The following SUFU variants were observed in gnomAD, a reference collection of about 807,000 sequenced individuals.
SUFU encodes SUFU negative regulator of hedgehog signaling, also known as suppressor of fused homolog.
A neutral mutation model predicts 58.9 loss-of-function variants in SUFU; 7 were observed. The observed-to-expected ratio is 0.12, with a 90% confidence interval of 0.07 to 0.22. SUFU has a LOEUF of 0.22. Ranked by LOEUF, SUFU falls within the 10% of genes least tolerant of loss-of-function variation. SUFU has a pLI of 1.00. For missense variants in SUFU, 451 were observed against 641.3 expected, an observed-to-expected ratio of 0.70 and a Z score of 3.20; for synonymous variants, 232 against 254.8, an observed-to-expected ratio of 0.91 and a Z score of 0.85.
intron 2 of SUFU, among the ~76,000 whole-genome samples, chr10:102,524,225 C>T (rs186183673): frequency 4.6e-5 from 7 of 152,026 alleles, no homozygotes; most frequent in Admixed American, 3.9e-4. Context: ...AGGCTGGTCT[C>T]GGACTCCTGG....
intron 2 of SUFU, among the ~76,000 whole-genome samples, chr10:102,533,500 A>T (rs560606668): frequency 6.6e-6 from 1 of 152,138 alleles, no homozygotes; most frequent in African/African-American, 2.4e-5. Context: ...CCTGAGCCCA[A>T]GAGGCTGAGG....
rs775249077 is a variant in SUFU, at chr10:102,629,870, G to A, written c.1366-196G>A. 3.9e-5 allele frequency among the ~76,000 whole-genome samples: 6 copies of A among 152,188 alleles called. No homozygotes were observed. In the East Asian group the frequency reaches 5.8e-4, roughly 15 times the overall value. On this transcript the variant is annotated intron_variant, in intron 11 of 11. Coordinates refer to ENST00000369902, the MANE Select transcript of SUFU (RefSeq NM_016169.4). This position sits in a 1 kb window ranked among gnomAD's most constrained non-coding sequence, Gnocchi z 4.7. ...CTGCCTCATTATTGACAGGCCGTGG[G>A]GAAAGAAGGGGTCACCAACTCCAGC...
chr10:102,507,734 C>T (rs767250335), intron 1 of SUFU, among the ~76,000 whole-genome samples: 6 of 152,348 alleles, frequency 3.9e-5, no homozygotes, highest in Admixed American at 1.3e-4. Context: ...TGACTGGGAT[C>T]ACTTGTAACA....
chr10:102,566,492 G>A (rs1564684016), intron 3 of SUFU, among the ~76,000 whole-genome samples: 3 of 152,040 alleles, frequency 2.0e-5, no homozygotes, highest in Non-Finnish European at 2.9e-5. Context: ...TAGGTCAGGC[G>A]CGGTAGCTCA....
At chr10:102,543,117 T>C (rs2062821247) in intron 2 of SUFU, among the ~76,000 whole-genome samples, 1 of 152,206 alleles carries the variant, frequency 6.6e-6, no homozygotes, top group Non-Finnish European at 1.5e-5. Flanking sequence ...CTATACGTAG[T>C]TTTATTAGGT....
chr10:102,515,821 T>C (rs976713726), intron 2 of SUFU, among the ~76,000 whole-genome samples: 13 of 152,166 alleles, frequency 8.5e-5, no homozygotes, highest in South Asian at 2.1e-4. Flanking sequence ...TGCAGGCTCA[T>C]TGGGGGGCAC....
chr10:102,631,204 A>C lies in SUFU; in HGVS notation c.*1049A>C, dbSNP rs1564713152. 2 of 233,236 alleles carry C rather than the reference A, an allele frequency of 8.6e-6. No individual in the cohort carries two copies. The highest frequency in any genetic ancestry group is 1.7e-5 in the Non-Finnish European group (2 of 118,172). 14.4% of individuals were successfully genotyped at this position (233,236 alleles called of 1,614,324 possible). A position where few individuals can be genotyped will look rare whatever the true frequency, so the allele number is the denominator to read the frequency against. Reference sequence around the variant, plus strand: ...TCAGGCTGTAGGGCTGCCTTACTAAAATTGAAAAATCCACCTCTTAACATC... The same window carrying C: ...TCAGGCTGTAGGGCTGCCTTACTAACATTGAAAAATCCACCTCTTAACATC... On this transcript the variant is annotated 3_prime_UTR_variant, in exon 12 of 12. Transcript: ENST00000369902.
At chr10:102,536,013 G>C (rs887607475) in intron 2 of SUFU, among the ~76,000 whole-genome samples, 1 of 151,958 alleles carries the variant, frequency 6.6e-6, no homozygotes, top group African/African-American at 2.4e-5. Context: ...GTCTCGCTTC[G>C]GTTAGAGTGC....
At chr10:102,586,284 A>G (rs2063335276) in intron 3 of SUFU, among the ~76,000 whole-genome samples, 1 of 152,196 alleles carries the variant, frequency 6.6e-6, no homozygotes, top group African/African-American at 2.4e-5. Context: ...AGAACTCTTT[A>G]TATATTCTGG....
chr10:102,517,943 G>T (rs1190975575), intron 2 of SUFU, among the ~76,000 whole-genome samples: 1 of 152,114 alleles, frequency 6.6e-6, no homozygotes, highest in Non-Finnish European at 1.5e-5. Context: ...CCGAGCGCCT[G>T]CCCTTAAAAA....
In SUFU at chr10:102,529,462, T is replaced by C. The variant is rs530975947; in HGVS notation, c.317+20159T>C. 5.3e-5 allele frequency among the ~76,000 whole-genome samples: 8 copies of C among 152,280 alleles called. No individual in the cohort carries two copies. In the South Asian group the frequency reaches 1.7e-3, roughly 32 times the overall value. On this transcript the variant is annotated intron_variant, in intron 2 of 11. Coordinates refer to ENST00000369902, the MANE Select transcript of SUFU (RefSeq NM_016169.4). ...GGATAAATGATGAGCAGAGTTTGCT[T>C]TGAGTGAGTACTAAGAAAAGGAAAG... is the stretch of plus-strand genomic sequence containing the variant.
At position 102,631,606 on chromosome 10, in the gene SUFU, C is replaced by T. The variant is rs886046659; in HGVS notation, c.*1451C>T. On this transcript the variant is annotated 3_prime_UTR_variant, in exon 12 of 12. Coordinates refer to ENST00000369902, the MANE Select transcript of SUFU (RefSeq NM_016169.4). The stretch of plus-strand genomic sequence containing the variant: ...AGGGCTCCTCATTGCTCCCATCTGC[C>T]TCTGCTGCACACACAGGCACCAGCA... The T allele has an allele frequency of 1.2e-4, 28 of 233,694 alleles. No homozygotes were observed. Among genetic ancestry groups the T allele is most frequent in the Non-Finnish European group, 2.0e-4 (24 of 118,338 alleles). 14.5% of individuals were successfully genotyped at this position (233,694 alleles called of 1,614,324 possible).
intron 7 of SUFU, among the ~76,000 whole-genome samples, chr10:102,598,684 T>G (rs531064501): frequency 1.3e-5 from 2 of 152,334 alleles, no homozygotes; most frequent in South Asian, 4.1e-4. Flanking sequence ...AAGTTAGTAA[T>G]CATCTCCTTC....
At chr10:102,582,636 C>G (rs140217208) in intron 3 of SUFU, among the ~76,000 whole-genome samples, 1 of 152,240 alleles carries the variant, frequency 6.6e-6, no homozygotes, top group East Asian at 1.9e-4. Context: ...AAATCTTTCT[C>G]CCAAGTGAGC....
intron 3 of SUFU, among the ~76,000 whole-genome samples, chr10:102,556,520 A>C (rs1184645806): frequency 6.6e-6 from 1 of 152,024 alleles, no homozygotes; most frequent in Non-Finnish European, 1.5e-5. Flanking sequence ...AGGCATGTGG[A>C]TCACCTGAGG....
chr10:102,605,462 A>G lies in SUFU; in HGVS notation c.1022+5918A>G, dbSNP rs564388717. 3.0e-3 allele frequency among the ~76,000 whole-genome samples: 456 copies of G among 152,252 alleles called. 11 individuals are homozygous for G. The highest frequency in any genetic ancestry group is 1.6e-3 in the Admixed American group (24 of 15,310). ...GTTGAGGCTGCAGTGAACCGTGATC[A>G]CACCACTGCACTCCAGCCTGAGACC... On this transcript the variant is annotated intron_variant, in intron 8 of 11. Transcript: ENST00000369902.
At position 102,550,086 on chromosome 10, in the gene SUFU, C is replaced by T. The variant is rs2135743525; in HGVS notation, c.434C>T (p.Ala145Val). Residue 145 changes from alanine to valine, a missense_variant, in exon 3 of 12, where the codon GCA becomes GTA. By Grantham distance (64) the Ala-to-Val change is moderately conservative (BLOSUM62 0). Coordinates refer to ENST00000369902, the MANE Select transcript of SUFU (RefSeq NM_016169.4). ...CCCGCAGAGTTAATGCAGGGCTTGG[C>T]ACGATACGTGTTCCAGTCAGGTAGG... ...TWPAELMQGL[A>V]RYVFQSENTF... 1 of 1,614,152 alleles carries T rather than the reference C, an allele frequency of 6.2e-7. No homozygotes were observed. Among genetic ancestry groups the T allele is most frequent in the Non-Finnish European group, 8.5e-7 (1 of 1,180,034 alleles).
At chr10:102,556,629 G>C (rs1320655806) in intron 3 of SUFU, among the ~76,000 whole-genome samples, 2 of 151,926 alleles carry the variant, frequency 1.3e-5, no homozygotes, top group Non-Finnish European at 2.9e-5. Context: ...TGTAATCCCA[G>C]CTACTCAGGA....
rs187554337 is a variant in SUFU, at chr10:102,594,109, G to A, written c.756+44G>A. On this transcript the variant is annotated intron_variant, in intron 6 of 11. Coordinates refer to ENST00000369902, the MANE Select transcript of SUFU (RefSeq NM_016169.4). ...AAACCTTTCTAGCACCCTGTGCCTA[G>A]GCCTCTTCCAAATAACACTGGCTTT... The A allele has an allele frequency of 1.5e-4, 243 of 1,595,620 alleles. 3 individuals carry two copies. The East Asian group carries it at 4.9e-3, about 32-fold the overall frequency.
Sources: gnomAD v4.1 joint callset for allele counts (sites outside exome capture counted in the v4.1 genomes callset) on GRCh38, gnomAD v4.1.1 for gene constraint, Gnocchi (gnomAD v3.1) non-coding constraint, MANE v1.5 for transcripts, NCBI Gene and HGNC (gene_info 2026-07-23, HGNC 2026-07-21) for gene names.